Variants in C1orf146 observed in about 807,000 individuals in gnomAD.
C1orf146 encodes the protein protein SPO16 homolog.
C1orf146 carries 22 observed loss-of-function variants against 23.0 expected under a neutral mutation model. The ratio of observed to expected loss-of-function variants is 0.96; its 90% CI spans 0.68 to 1.36. The LOEUF is 1.36. Ranked by LOEUF, C1orf146 falls within the 40% of genes most tolerant of loss-of-function variation. The pLI is 0.00. For synonymous variants in C1orf146, 59 were observed against 65.3 expected (o/e 0.90, Z 0.47); for missense variants, 199 against 206.8 (o/e 0.96, Z 0.23).
intron 1 of C1orf146, among the ~76,000 whole-genome samples, chr1:92,218,257 A>G (rs1304638071): frequency 6.6e-6 from 1 of 152,128 alleles, no homozygotes; most frequent in African/African-American, 2.4e-5. Context: ...TTTCCCTGTC[A>G]GAAGTCCGTC....
chr1:92,242,181 A>T lies in C1orf146; in HGVS notation c.67-31A>T, dbSNP rs770283406. 7 of 1,325,266 alleles carry T rather than the reference A, an allele frequency of 5.3e-6. No homozygotes were observed. In the African/African-American group the frequency reaches 5.9e-5, roughly 11 times the overall value. The allele number at this position is 1,325,266 out of a possible 1,614,324, so 82.1% of individuals were successfully genotyped here. On this transcript the variant is annotated intron_variant, in intron 2 of 5. Transcript: ENST00000370375. Reference sequence around the variant, plus strand: ...TTTAATACAATTGTAAGCATGCCTTAAATTTGTATTTCTGATATTTTTTAA... The same window carrying T: ...TTTAATACAATTGTAAGCATGCCTTTAATTTGTATTTCTGATATTTTTTAA...
rs200889079 is a variant in C1orf146 at position 92,244,190 on chromosome 1, A to G, written c.161-27A>G. 4.2e-5 allele frequency: 63 copies of G among 1,507,156 alleles called. No individual in the cohort carries two copies. The African/African-American group carries it at 7.3e-4, about 17-fold the overall frequency. 93.4% of individuals were successfully genotyped at this position (1,507,156 alleles called of 1,614,324 possible). Reference sequence around the variant, plus strand: ...AATTTCATCTCTATAACAAAGTGACATTTTATATTCAATTCACCTTTCCTA... The same window carrying G: ...AATTTCATCTCTATAACAAAGTGACGTTTTATATTCAATTCACCTTTCCTA... On this transcript the variant is annotated intron_variant, in intron 3 of 5. Coordinates refer to ENST00000370375, the MANE Select transcript of C1orf146 (RefSeq NM_001012425.2).
chr1:92,245,246 G>A (rs1326493207), intron 5 of C1orf146, among the ~76,000 whole-genome samples: 1 of 152,128 alleles, frequency 6.6e-6, no homozygotes, highest in African/African-American at 2.4e-5. Flanking sequence ...TGCAAAGTGT[G>A]CCCAGACACC....
At chr1:92,231,933 G>A (rs1557487971) in intron 2 of C1orf146, among the ~76,000 whole-genome samples, 1 of 152,104 alleles carries the variant, frequency 6.6e-6, no homozygotes, top group Admixed American at 6.6e-5. Context: ...GCTCACAACC[G>A]TTTTAAACTC....
chr1:92,222,109 C>T (rs757094288), intron 1 of C1orf146, among the ~76,000 whole-genome samples: 25 of 152,052 alleles, frequency 1.6e-4, no homozygotes, highest in South Asian at 4.2e-4. Flanking sequence ...GGCGTGGTGG[C>T]GCACACCTGT....
At chr1:92,227,690 C>G (rs769354916) in intron 1 of C1orf146, among the ~76,000 whole-genome samples, 1 of 152,048 alleles carries the variant, frequency 6.6e-6, no homozygotes, top group Non-Finnish European at 1.5e-5. Flanking sequence ...GCTATGATAT[C>G]CTATGTTGAC....
At chr1:92,243,553 G>A (rs1362743158) in intron 3 of C1orf146, among the ~76,000 whole-genome samples, 2 of 152,066 alleles carry the variant, frequency 1.3e-5, no homozygotes, top group African/African-American at 2.4e-5. Context: ...CACCATGTTG[G>A]TCAGGCTGGT....
At chr1:92,218,742 C>T (rs1206400400) in intron 1 of C1orf146, among the ~76,000 whole-genome samples, 1 of 152,074 alleles carries the variant, frequency 6.6e-6, no homozygotes, top group African/African-American at 2.4e-5. Flanking sequence ...CCCCTCTGTC[C>T]CTGCACGCTC....
At chr1:92,232,608 C>T (rs925358326) in intron 2 of C1orf146, among the ~76,000 whole-genome samples, 1 of 152,084 alleles carries the variant, frequency 6.6e-6, no homozygotes, top group African/African-American at 2.4e-5. Context: ...GATTTATAGT[C>T]CTTTGGGTAT....
intron 3 of C1orf146, among the ~76,000 whole-genome samples, chr1:92,243,634 T>A (rs1314813807): frequency 6.6e-6 from 1 of 152,152 alleles, no homozygotes; most frequent in Non-Finnish European, 1.5e-5. Context: ...TGTGAGCCAC[T>A]GCACCCAGCC....
At chr1:92,238,770 C>T (rs1009639161) in intron 2 of C1orf146, among the ~76,000 whole-genome samples, 3 of 152,182 alleles carry the variant, frequency 2.0e-5, no homozygotes, top group African/African-American at 4.8e-5. Flanking sequence ...GTATACCTTA[C>T]ACACTCACCA....
chr1:92,229,436 CT>C (rs990553464), intron 1 of C1orf146: 5 of 522,038 alleles, frequency 9.6e-6, no homozygotes, highest in East Asian at 5.1e-5. Flanking sequence ...TCTTCTCCAG[CT>C]TTTTGTCATC....
At chr1:92,229,397 G>C in intron 1 of C1orf146, 9 of 537,916 alleles carry the variant, frequency 1.7e-5, no homozygotes, top group South Asian at 1.3e-4. Context: ...TGCCGATGGT[G>C]ATGACCTGGC....
chr1:92,225,741 A>G (rs1366926770), intron 1 of C1orf146, among the ~76,000 whole-genome samples: 1 of 152,190 alleles, frequency 6.6e-6, no homozygotes, highest in African/African-American at 2.4e-5. Flanking sequence ...TATTCCTGAT[A>G]TATTGACCTT....
chr1:92,226,663 A>G (rs931865784), intron 1 of C1orf146, among the ~76,000 whole-genome samples: 3 of 152,046 alleles, frequency 2.0e-5, no homozygotes, highest in Admixed American at 6.6e-5. Context: ...TTTATATCTT[A>G]GTAGTTAAAG....
At chr1:92,222,776 T>C (rs530782599) in intron 1 of C1orf146, among the ~76,000 whole-genome samples, 9 of 151,760 alleles carry the variant, frequency 5.9e-5, no homozygotes, top group African/African-American at 9.7e-5. Flanking sequence ...TTAGTAGAGA[T>C]GGGGTTTCAC....
At chr1:92,219,833 C>T (rs2100723098) in intron 1 of C1orf146, among the ~76,000 whole-genome samples, 1 of 152,144 alleles carries the variant, frequency 6.6e-6, no homozygotes, top group African/African-American at 2.4e-5. Flanking sequence ...TGCTCCTGTT[C>T]TTAAGGTTGG....
chr1:92,245,002 A>G, intron 5 of C1orf146, 145 bp downstream of exon 5: 1 of 543,438 alleles, frequency 1.8e-6, no homozygotes, highest in South Asian at 2.9e-5. Flanking sequence ...ACTTTTTCCC[A>G]AGCCTAACTC....
intron 1 of C1orf146, among the ~76,000 whole-genome samples, chr1:92,220,482 G>GT (rs1369107909): frequency 1.3e-5 from 2 of 152,048 alleles, no homozygotes; most frequent in African/African-American, 4.8e-5. Flanking sequence ...AGGCTATATG[G>GT]TATAGCCTAT....
Sources: allele counts gnomAD v4.1 joint callset (sites outside exome capture counted in the v4.1 genomes callset), GRCh38; gene constraint gnomAD v4.1.1; transcripts MANE v1.5; gene names NCBI Gene and HGNC (gene_info 2026-07-23, HGNC 2026-07-21).